FTCDNL1: variants seen among roughly 807,000 people sequenced by gnomAD.
The protein encoded by FTCDNL1 is formiminotransferase N-terminal subdomain-containing protein.
A neutral mutation model predicts 5.9 loss-of-function variants in FTCDNL1; 11 were observed. That is an observed-to-expected ratio of 1.87 (90% CI 1.18 to 3.10). The LOEUF (loss-of-function observed/expected upper bound fraction) is 3.10, where lower values mean the gene tolerates loss of function less well. Among genes scored for constraint, FTCDNL1 ranks in the 30% most tolerant of loss-of-function variants. The pLI is 0.00. For missense variants in FTCDNL1, 115 were observed against 65.5 expected (o/e 1.76, Z -2.61); for synonymous variants, 58 against 24.8 (o/e 2.34, Z -3.99).
At chr2:199,734,577 T>A in the FTCDNL1 span, among the ~76,000 whole-genome samples, 3 of 152,246 alleles carry the variant, frequency 2.0e-5, no homozygotes, top group Non-Finnish European at 4.4e-5. Context: ...TCAAAAGTTA[T>A]CTTTAAATCA....
At position 199,792,023 on chromosome 2, in the gene FTCDNL1, C is replaced by A. The variant is rs75303273; in HGVS notation, c.212-31188G>T. Among the ~76,000 whole-genome samples, 45 of 151,934 alleles carry A rather than the reference C, an allele frequency of 3.0e-4. 1 individual carries two copies. In the East Asian group the frequency reaches 8.1e-3, roughly 28 times the overall value. On this transcript the variant is annotated intron_variant, in intron 3 of 3. Coordinates refer to the FTCDNL1 transcript ENST00000416668. ...AATAATATGTAAATAAATAATATAG[C>A]ATATTTACCACTATGAATTTTGTCT...
chr2:199,846,202 T>C (rs1484635749), intron 2 of FTCDNL1, 32 bp from the exon 3 acceptor site: 6 of 659,256 alleles, frequency 9.1e-6, no homozygotes, highest in Non-Finnish European at 1.6e-5. Context: ...AGTGCAAGAA[T>C]TTTTTTTCTG....
the FTCDNL1 span, among the ~76,000 whole-genome samples, chr2:199,707,373 A>C: frequency 6.6e-6 from 1 of 151,852 alleles, no homozygotes; most frequent in Non-Finnish European, 1.5e-5. Flanking sequence ...TACTATTAAT[A>C]TTTTCTATTA....
chr2:199,801,479 T>G (rs1314729318), intron 3 of FTCDNL1, among the ~76,000 whole-genome samples: 2 of 151,908 alleles, frequency 1.3e-5, no homozygotes, highest in Non-Finnish European at 2.9e-5. Context: ...AGACTCCGTC[T>G]CTATCAAAAA....
In FTCDNL1 at chr2:199,800,265, T is replaced by C. The variant is rs538324331; in HGVS notation, c.212-39430A>G. Among the ~76,000 whole-genome samples the C allele has an allele frequency of 3.3e-5, 5 of 152,278 alleles. No individual in the cohort carries two copies. In the South Asian group the frequency reaches 1.0e-3, roughly 32 times the overall value. ...ACCTGGTCCTGAAACTTACAAGATA[T>C]ATGACCTCAAGGAAGTTACTTAACT... is the stretch of plus-strand genomic sequence containing the variant. On this transcript the variant is annotated intron_variant, in intron 3 of 3. Transcript: ENST00000416668.
chr2:199,785,212 T>C (rs1018596758), intron 3 of FTCDNL1, among the ~76,000 whole-genome samples: 2 of 149,282 alleles, frequency 1.3e-5, no homozygotes, highest in African/African-American at 4.9e-5. Flanking sequence ...ATCACATACC[T>C]TTCTTTCTGT....
At chr2:199,830,392 T>C (rs1271050711) in intron 3 of FTCDNL1, among the ~76,000 whole-genome samples, 5 of 152,124 alleles carry the variant, frequency 3.3e-5, no homozygotes, top group Non-Finnish European at 7.4e-5. Flanking sequence ...CTAGGAAAAA[T>C]TATTCTTAGT....
rs531852209 is a variant in FTCDNL1, at chr2:199,832,070, A to G, written c.212-12313T>C. Among the ~76,000 whole-genome samples the G allele has an allele frequency of 1.7e-4, 26 of 152,324 alleles. No homozygotes were observed. The South Asian group carries it at 4.4e-3, about 25-fold the overall frequency. The stretch of plus-strand genomic sequence containing the variant: ...GGAGTTTGGGGTATATTTTACATAT[A>G]TATTTCATAACCAATAATCCAAGAA... On this transcript the variant is annotated intron_variant, in intron 3 of 4. Coordinates refer to ENST00000420128, the MANE Select transcript of FTCDNL1 (RefSeq NM_001363886.2).
At chr2:199,706,886 G>A in the FTCDNL1 span, among the ~76,000 whole-genome samples, 3 of 152,198 alleles carry the variant, frequency 2.0e-5, no homozygotes, top group African/African-American at 7.2e-5. Flanking sequence ...TCCTTCAGCC[G>A]ATTATATGGG....
intron 1 of FTCDNL1, 75 bp downstream of exon 1, chr2:199,850,665 T>G (rs2949006): frequency 0.83 from 126,176 of 152,302 alleles, 52,362 homozygotes; most frequent in South Asian, 0.91. Flanking sequence ...GATTAAACAC[T>G]CGGCCGTCCC....
At chr2:199,831,663 G>A (rs572841346) in intron 3 of FTCDNL1, among the ~76,000 whole-genome samples, 34 of 152,238 alleles carry the variant, frequency 2.2e-4, no homozygotes, top group African/African-American at 7.7e-4. Flanking sequence ...CTGGATTTGG[G>A]GCATGCTATA....
chr2:199,793,348 C>T (rs1700020256), intron 3 of FTCDNL1, among the ~76,000 whole-genome samples: 1 of 151,976 alleles, frequency 6.6e-6, no homozygotes, highest in African/African-American at 2.4e-5. Flanking sequence ...TTTCATATTT[C>T]CTGAGAATAG....
chr2:199,715,565 C>T, the FTCDNL1 span, among the ~76,000 whole-genome samples: 2 of 152,190 alleles, frequency 1.3e-5, no homozygotes, highest in African/African-American at 4.8e-5. Flanking sequence ...CATCAAACTT[C>T]TTTTTCTTTA....
At chr2:199,774,065 T>A (rs1428411360) in intron 3 of FTCDNL1, among the ~76,000 whole-genome samples, 1 of 152,228 alleles carries the variant, frequency 6.6e-6, no homozygotes, top group South Asian at 2.1e-4. Context: ...TTGTAATACA[T>A]CCATTCTTGA....
In FTCDNL1 at chr2:199,798,614, C is replaced by T. The variant is rs1700286762; in HGVS notation, c.212-37779G>A. ...CCCTTCTTCTCATCCATCCCTTCCT[C>T]TTCATTCCACCACGTGAGCGGCACA... On this transcript the variant is annotated intron_variant, in intron 3 of 3. Transcript: ENST00000416668. Among the ~76,000 whole-genome samples, 2 of 152,208 alleles carry T rather than the reference C, an allele frequency of 1.3e-5. 1 individual carries two copies. The highest frequency in any genetic ancestry group is 1.3e-4 in the Admixed American group (2 of 15,274).
chr2:199,793,800 T>C (rs927592226), intron 3 of FTCDNL1, among the ~76,000 whole-genome samples: 5 of 152,294 alleles, frequency 3.3e-5, no homozygotes, highest in South Asian at 4.1e-4. Flanking sequence ...CACTAAAAAG[T>C]AGGGAAAATT....
At chr2:199,814,264 A>G (rs1031296286) in intron 4 of FTCDNL1, among the ~76,000 whole-genome samples, 24 of 152,236 alleles carry the variant, frequency 1.6e-4, no homozygotes, top group African/African-American at 5.5e-4. Context: ...CAATGCTCCC[A>G]TGGCGGGAAG....
intron 3 of FTCDNL1, among the ~76,000 whole-genome samples, chr2:199,801,804 G>A (rs62178292): frequency 0.068 from 10,383 of 151,588 alleles, 501 homozygotes; most frequent in Non-Finnish European, 0.098. Context: ...CAGGCGTAGC[G>A]CCGGGTGCCT....
At chr2:199,833,130 G>A (rs1702485869) in intron 3 of FTCDNL1, among the ~76,000 whole-genome samples, 1 of 151,948 alleles carries the variant, frequency 6.6e-6, no homozygotes, top group South Asian at 2.1e-4. Flanking sequence ...CACCACACCT[G>A]GCTAATTTTT....
Sources: allele counts gnomAD v4.1 joint callset (sites outside exome capture counted in the v4.1 genomes callset), GRCh38; gene constraint gnomAD v4.1.1; transcripts MANE v1.5; gene names NCBI Gene and HGNC (gene_info 2026-07-23, HGNC 2026-07-21).